DAB1: variants seen among roughly 807,000 people sequenced by gnomAD.
DAB1 encodes the protein disabled homolog 1.
DAB1 carries 15 observed loss-of-function variants against 64.6 expected under a neutral mutation model. The observed-to-expected ratio is 0.23, with a 90% CI of 0.16 to 0.36. The LOEUF (loss-of-function observed/expected upper bound fraction) is 0.36, where lower values mean the gene tolerates loss of function less well. DAB1 is among the 10% of genes least tolerant of loss of function. The pLI, the probability that DAB1 is intolerant of heterozygous loss-of-function variation, is 1.00. For synonymous variants in DAB1, 235 were observed against 251.9 expected (o/e 0.93, Z 0.64); for missense variants, 596 against 706.7 (o/e 0.84, Z 1.78).
intron 9 of DAB1, among the ~76,000 whole-genome samples, chr1:57,060,744 T>A (rs907773876): frequency 2.0e-5 from 3 of 151,800 alleles, no homozygotes; most frequent in African/African-American, 7.3e-5. Context: ...CACAAAAAGA[T>A]TTCAGTAGGG....
At chr1:57,793,407 A>C (rs1333682753) in intron 6 of DAB1, among the ~76,000 whole-genome samples, 1 of 152,316 alleles carries the variant, frequency 6.6e-6, no homozygotes, top group South Asian at 2.1e-4. Context: ...GTTGATCCTG[A>C]TAACATTTTG....
intron 5 of DAB1, among the ~76,000 whole-genome samples, chr1:58,068,872 C>A (rs1292363697): frequency 3.3e-5 from 5 of 151,832 alleles, no homozygotes; most frequent in Admixed American, 3.3e-4. Context: ...TGAAGAAAGG[C>A]AAACTGCACC....
intron 2 of DAB1, among the ~76,000 whole-genome samples, chr1:57,208,936 C>A (rs982771009): frequency 1.3e-5 from 2 of 152,168 alleles, no homozygotes; most frequent in Non-Finnish European, 2.9e-5. Flanking sequence ...GGAATTTGGA[C>A]TCTATTGTAA....
chr1:57,668,881 A>G (rs1199014462), intron 6 of DAB1, among the ~76,000 whole-genome samples: 1 of 152,082 alleles, frequency 6.6e-6, no homozygotes, highest in Non-Finnish European at 1.5e-5. Context: ...CTTATATTTT[A>G]TGTGTTTTAT....
chr1:57,909,428 CGA>C (rs1198818168), intron 5 of DAB1, among the ~76,000 whole-genome samples: 2 of 152,122 alleles, frequency 1.3e-5, no homozygotes, highest in Admixed American at 6.5e-5. Flanking sequence ...GATTTCTGTG[CGA>C]GAGAGTCATG....
At chr1:57,670,180 T>A (rs1248602906) in intron 6 of DAB1, among the ~76,000 whole-genome samples, 1 of 152,174 alleles carries the variant, frequency 6.6e-6, no homozygotes, top group African/African-American at 2.4e-5. Flanking sequence ...GCACTACTTA[T>A]TGTGGGTGTT....
intron 4 of DAB1, among the ~76,000 whole-genome samples, chr1:58,226,880 C>T (rs1302979088): frequency 6.6e-6 from 1 of 152,162 alleles, no homozygotes; most frequent in Admixed American, 6.6e-5. Context: ...GAATCTCTGG[C>T]ACAGTGTCCA....
At chr1:57,074,792 T>C (rs1557674412) in intron 4 of DAB1, among the ~76,000 whole-genome samples, 1 of 152,210 alleles carries the variant, frequency 6.6e-6, no homozygotes, top group South Asian at 2.1e-4. Context: ...TAATGGTTTT[T>C]GACACAAATA....
chr1:57,502,634 A>C (rs1644303634), intron 7 of DAB1, among the ~76,000 whole-genome samples: 1 of 152,210 alleles, frequency 6.6e-6, no homozygotes, highest in South Asian at 2.1e-4. Flanking sequence ...TACTTGAAAT[A>C]AATATTTGTT....
At chr1:57,690,920 C>T (rs1276449497) in intron 6 of DAB1, among the ~76,000 whole-genome samples, 1 of 152,050 alleles carries the variant, frequency 6.6e-6, no homozygotes, top group African/African-American at 2.4e-5. Context: ...TTTTATATGC[C>T]TGTTTACCAT....
At chr1:58,284,460 G>A (rs533006354) in intron 4 of DAB1, among the ~76,000 whole-genome samples, 1 of 152,234 alleles carries the variant, frequency 6.6e-6, no homozygotes. Context: ...GGCTTCTCCA[G>A]TCACACAGAG....
intron 7 of DAB1, among the ~76,000 whole-genome samples, chr1:57,534,818 G>C (rs1332393039): frequency 1.3e-5 from 2 of 152,134 alleles, no homozygotes; most frequent in African/African-American, 4.8e-5. Context: ...CTTCGCAAAG[G>C]CCTCTCATTG....
At chr1:57,370,109 C>T (rs1175769986) in intron 1 of DAB1, among the ~76,000 whole-genome samples, 1 of 152,150 alleles carries the variant, frequency 6.6e-6, no homozygotes, top group Non-Finnish European at 1.5e-5. Flanking sequence ...AACCACACCA[C>T]CTTATTTCTA....
intron 7 of DAB1, among the ~76,000 whole-genome samples, chr1:57,619,425 G>T (rs1645829319): frequency 6.6e-6 from 1 of 152,092 alleles, no homozygotes; most frequent in African/African-American, 2.4e-5. Context: ...TTTTGAGACA[G>T]AATCTTGCTC....
chr1:58,143,784 AG>A (rs757589284), intron 5 of DAB1, among the ~76,000 whole-genome samples: 6 of 152,208 alleles, frequency 3.9e-5, no homozygotes, highest in Non-Finnish European at 1.5e-5. Flanking sequence ...ACCTTACTCA[AG>A]AAAGACTCCT....
At chr1:58,310,606 G>T (rs115626465) in intron 4 of DAB1, among the ~76,000 whole-genome samples, 1 of 152,046 alleles carries the variant, frequency 6.6e-6, no homozygotes, top group African/African-American at 2.4e-5. Flanking sequence ...CACTTCTATG[G>T]CTGCCAGGTG....
intron 11 of DAB1, among the ~76,000 whole-genome samples, chr1:57,021,681 C>G (rs561278002): frequency 6.6e-6 from 1 of 152,142 alleles, no homozygotes; most frequent in South Asian, 2.1e-4. Flanking sequence ...TTATCAGCAG[C>G]GTGAGAATGG....
chr1:58,188,211 T>G (rs2100221357), intron 4 of DAB1, among the ~76,000 whole-genome samples: 1 of 152,286 alleles, frequency 6.6e-6, no homozygotes, highest in South Asian at 2.1e-4. Context: ...ACTCAGCCAG[T>G]TTTTGCATTT....
At chr1:57,983,639 C>T (rs1646121767) in intron 5 of DAB1, among the ~76,000 whole-genome samples, 2 of 152,148 alleles carry the variant, frequency 1.3e-5, no homozygotes, top group African/African-American at 2.4e-5. Context: ...AGTGAGGACC[C>T]CAGCGCCGCT....
Sources: allele counts gnomAD v4.1 joint callset (sites outside exome capture counted in the v4.1 genomes callset), GRCh38; gene constraint gnomAD v4.1.1; transcripts MANE v1.5; gene names NCBI Gene and HGNC (gene_info 2026-07-23, HGNC 2026-07-21).